TMEM132D: variants seen among roughly 807,000 people sequenced by gnomAD.
The protein encoded by TMEM132D is transmembrane protein 132D, also known as mature OL transmembrane protein.
In TMEM132D, 21 loss-of-function variants were observed where a neutral mutation model predicts 62.3. The ratio of observed to expected loss-of-function variants is 0.34; its 90% CI spans 0.24 to 0.49. TMEM132D has a LOEUF of 0.49. Among genes scored for constraint, TMEM132D ranks in the 20% least tolerant of loss-of-function variants. The pLI, the probability that TMEM132D is intolerant of heterozygous loss-of-function variation, is 0.99. For synonymous variants in TMEM132D, 621 were observed against 575.6 expected, an observed-to-expected ratio of 1.08 and a Z score of -1.13; for missense variants, 1,346 against 1,402.8, an observed-to-expected ratio of 0.96 and a Z score of 0.65.
In TMEM132D at chr12:129,903,836, G is replaced by C. The variant is rs1281599776; in HGVS notation, c.-497C>G. Reference sequence around the variant, plus strand: ...GCCCCCCGGGCGGGTGGCCGGGCTCGCTGGGCGGCCCGGGGCTCCCTGGCC... The same window carrying C: ...GCCCCCCGGGCGGGTGGCCGGGCTCCCTGGGCGGCCCGGGGCTCCCTGGCC... On this transcript the variant is annotated 5_prime_UTR_variant, in exon 1 of 9. Coordinates refer to ENST00000422113, the MANE Select transcript of TMEM132D (RefSeq NM_133448.3). This position sits in a 1 kb window ranked among gnomAD's most constrained non-coding sequence, Gnocchi z 6.2. Among the ~76,000 whole-genome samples, 2 of 146,842 alleles carry C rather than the reference G, an allele frequency of 1.4e-5. No individual in the cohort carries two copies. Among genetic ancestry groups the C allele is most frequent in the African/African-American group, 4.9e-5 (2 of 40,876 alleles).
chr12:129,273,538 T>C (rs906591955), intron 4 of TMEM132D, among the ~76,000 whole-genome samples: 4 of 151,174 alleles, frequency 2.6e-5, no homozygotes, highest in African/African-American at 9.8e-5. Context: ...CATGGTGGAC[T>C]GGATAAAGAA....
intron 2 of TMEM132D, among the ~76,000 whole-genome samples, chr12:129,582,884 C>T (rs1050567133): frequency 1.1e-4 from 17 of 152,032 alleles, no homozygotes; most frequent in Non-Finnish European, 2.5e-4. Flanking sequence ...CTCGGCCTCC[C>T]AAAGTGCTGG....
intron 3 of TMEM132D, among the ~76,000 whole-genome samples, chr12:129,427,744 A>C (rs1180275964): frequency 2.6e-5 from 4 of 152,060 alleles, no homozygotes; most frequent in Non-Finnish European, 5.9e-5. Context: ...TTAAAAAAAA[A>C]CAAAACCAAA....
chr12:129,808,439 G>A (rs1872066178), intron 1 of TMEM132D, among the ~76,000 whole-genome samples: 1 of 152,174 alleles, frequency 6.6e-6, no homozygotes, highest in Admixed American at 6.5e-5. Flanking sequence ...GGAAGCAGGG[G>A]TTGCTACAGT....
intron 4 of TMEM132D, among the ~76,000 whole-genome samples, chr12:129,324,613 G>C (rs559722688): frequency 3.3e-5 from 5 of 152,198 alleles, no homozygotes; most frequent in African/African-American, 9.6e-5. Flanking sequence ...GGTGGATCAC[G>C]AGGTCAGGAA....
At chr12:129,817,592 G>GGTGT (rs112314739) in intron 1 of TMEM132D, among the ~76,000 whole-genome samples, 107 of 146,492 alleles carry the variant, frequency 7.3e-4, no homozygotes, top group African/African-American at 2.1e-3. Context: ...AAGATAAGAT[G>GGTGT]GTGTGTGTGT....
At chr12:129,304,787 T>C (rs1488309240) in intron 4 of TMEM132D, among the ~76,000 whole-genome samples, 2 of 149,460 alleles carry the variant, frequency 1.3e-5, no homozygotes, top group African/African-American at 4.9e-5. Flanking sequence ...CCTCAGCCTC[T>C]CAAGTAGCTG....
At chr12:129,875,290 A>G (rs980128293) in intron 1 of TMEM132D, among the ~76,000 whole-genome samples, 1 of 152,218 alleles carries the variant, frequency 6.6e-6, no homozygotes, top group African/African-American at 2.4e-5. Context: ...GAAAGCGCTG[A>G]TGTCCGATGG....
At chr12:129,690,487 AAAAGT>A (rs1448308257) in intron 2 of TMEM132D, among the ~76,000 whole-genome samples, 2 of 152,194 alleles carry the variant, frequency 1.3e-5, no homozygotes, top group Non-Finnish European at 2.9e-5. Context: ...TTAACAAGTT[AAAAGT>A]AAAGAGAGAG....
chr12:129,367,184 C>T (rs755564141), intron 3 of TMEM132D, among the ~76,000 whole-genome samples: 3 of 152,212 alleles, frequency 2.0e-5, no homozygotes, highest in Non-Finnish European at 2.9e-5. Flanking sequence ...ACAATTGACG[C>T]CTTCATTTGC....
intron 5 of TMEM132D, among the ~76,000 whole-genome samples, chr12:129,196,463 T>G (rs778912280): frequency 6.6e-6 from 1 of 152,150 alleles, no homozygotes; most frequent in Non-Finnish European, 1.5e-5. Context: ...TGGGGTAGCA[T>G]GGGGAGGTCA....
chr12:129,332,964 C>G (rs1208462041), intron 4 of TMEM132D, among the ~76,000 whole-genome samples: 1 of 152,108 alleles, frequency 6.6e-6, no homozygotes, highest in African/African-American at 2.4e-5. Context: ...AAATACTTAA[C>G]ATTACTAAAC....
At chr12:129,874,825 C>T (rs749034060) in intron 1 of TMEM132D, among the ~76,000 whole-genome samples, 2 of 151,790 alleles carry the variant, frequency 1.3e-5, no homozygotes, top group Admixed American at 6.6e-5. Flanking sequence ...CTCAGCCTCC[C>T]GAATAGCTGG....
At chr12:129,451,527 G>A (rs746647716) in intron 3 of TMEM132D, among the ~76,000 whole-genome samples, 1 of 152,178 alleles carries the variant, frequency 6.6e-6, no homozygotes, top group Non-Finnish European at 1.5e-5. Flanking sequence ...TTGAAAAATA[G>A]AACTAGTATG....
intron 4 of TMEM132D, among the ~76,000 whole-genome samples, chr12:129,234,300 A>G (rs1879724899): frequency 1.3e-5 from 2 of 152,190 alleles, no homozygotes; most frequent in African/African-American, 2.4e-5. Flanking sequence ...GGAACCCGAG[A>G]AGCTATTATG....
At position 129,702,212 on chromosome 12, in the gene TMEM132D, A is replaced by G. The variant is rs541661409; in HGVS notation, c.80-1514T>C. On this transcript the variant is annotated intron_variant, in intron 1 of 8. Coordinates refer to ENST00000422113, the MANE Select transcript of TMEM132D (RefSeq NM_133448.3). The stretch of plus-strand genomic sequence containing the variant: ...AACTCAGAGCAGGCTGAGCTTCCAT[A>G]TAAACAACTAAGGCTTGTCTTGGAC... Among the ~76,000 whole-genome samples the G allele has an allele frequency of 3.2e-4, 48 of 152,362 alleles. 2 individuals carry two copies. In the South Asian group the frequency reaches 9.3e-3, roughly 30 times the overall value.
intron 2 of TMEM132D, among the ~76,000 whole-genome samples, chr12:129,626,810 T>C (rs1274158974): frequency 1.3e-5 from 2 of 152,260 alleles, no homozygotes; most frequent in East Asian, 3.9e-4. Flanking sequence ...TTATTTTTAA[T>C]TTTCTCATGG....
rs546136196 is a variant in TMEM132D at position 129,084,320 on chromosome 12, A to AC, written c.1649+176dup. ...AGAGAAGAGAGGATGAAAGCCTGGA[A>AC]CCTCCCGAAAAACGCTGATAAAGAA... On this transcript the variant is annotated intron_variant, in intron 6 of 8. Coordinates refer to ENST00000422113, the MANE Select transcript of TMEM132D (RefSeq NM_133448.3). 6.6e-5 allele frequency among the ~76,000 whole-genome samples: 10 copies of AC among 151,904 alleles called. No homozygotes were observed. In the South Asian group the frequency reaches 1.7e-3, roughly 25 times the overall value.
At chr12:129,257,363 C>A (rs1334097618) in intron 4 of TMEM132D, among the ~76,000 whole-genome samples, 1 of 151,986 alleles carries the variant, frequency 6.6e-6, no homozygotes. Flanking sequence ...CCCGCCACCA[C>A]GACCGGCTAA....
Sources: gnomAD v4.1 joint callset for allele counts (sites outside exome capture counted in the v4.1 genomes callset) on GRCh38, gnomAD v4.1.1 for gene constraint, Gnocchi (gnomAD v3.1) non-coding constraint, MANE v1.5 for transcripts, NCBI Gene and HGNC (gene_info 2026-07-23, HGNC 2026-07-21) for gene names.